Variants in SGCZ observed in about 807,000 individuals in gnomAD.
SGCZ encodes zeta-sarcoglycan.
A neutral mutation model predicts 41.3 loss-of-function variants in SGCZ; 40 were observed. The ratio of observed to expected loss-of-function variants is 0.97; its 90% CI spans 0.75 to 1.26. The LOEUF (loss-of-function observed/expected upper bound fraction) is 1.26, where lower values mean the gene tolerates loss of function less well. SGCZ is among the 50% of genes most tolerant of loss of function. SGCZ has a pLI of 0.00. For missense variants in SGCZ, 552 were observed against 369.8 expected, an observed-to-expected ratio of 1.49 and a Z score of -4.04; for synonymous variants, 206 against 137.5, an observed-to-expected ratio of 1.50 and a Z score of -3.49.
intron 1 of SGCZ, among the ~76,000 whole-genome samples, chr8:14,950,932 A>C (rs753017445): frequency 3.3e-5 from 5 of 152,068 alleles, no homozygotes; most frequent in Non-Finnish European, 7.4e-5. Context: ...TGAATACTCT[A>C]GGCTAAAATT....
rs7838349 is a variant in SGCZ, at chr8:14,197,239, T to C, written c.425-32537A>G. 4.2e-3 allele frequency among the ~76,000 whole-genome samples: 645 copies of C among 152,156 alleles called. 4 individuals carry two copies. The highest frequency in any genetic ancestry group is 0.011 in the African/African-American group (449 of 41,550). On this transcript the variant is annotated intron_variant, in intron 4 of 7. Transcript: ENST00000382080. ...TATTTAAGCAAAAAATAATACTAATTCTCAACTAAATGTTCCTGAATATAG... is the reference window on the plus strand; with the variant it reads ...TATTTAAGCAAAAAATAATACTAATCCTCAACTAAATGTTCCTGAATATAG...
In SGCZ at chr8:15,123,609, A is replaced by C. The variant is rs1368436442; in HGVS notation, c.39+113976T>G. Among the ~76,000 whole-genome samples the C allele has an allele frequency of 3.3e-5, 5 of 152,298 alleles. No homozygotes were observed. The East Asian group carries it at 9.7e-4, about 29-fold the overall frequency. On this transcript the variant is annotated intron_variant, in intron 1 of 7. Transcript: ENST00000382080. ...TTGATAGCAAGAACCTGGGTGTCTT[A>C]ATAATCTCATGCTTTTCACATTTTT...
chr8:14,852,885 C>T lies in SGCZ; in HGVS notation c.40-297959G>A, dbSNP rs538397404. Among the ~76,000 whole-genome samples the T allele has an allele frequency of 1.4e-4, 21 of 152,262 alleles. No homozygotes were observed. In the South Asian group the frequency reaches 4.3e-3, roughly 32 times the overall value. ...CCCAGAATCTCCTCGTCTAAACTCTCCTGAAGCGTTAGCTCCTAAACACAT... is the reference window on the plus strand; with the variant it reads ...CCCAGAATCTCCTCGTCTAAACTCTTCTGAAGCGTTAGCTCCTAAACACAT... On this transcript the variant is annotated intron_variant, in intron 1 of 7. Coordinates refer to ENST00000382080, the MANE Select transcript of SGCZ (RefSeq NM_139167.4).
chr8:14,691,623 A>G (rs1808799962), intron 1 of SGCZ, among the ~76,000 whole-genome samples: 1 of 152,108 alleles, frequency 6.6e-6, no homozygotes, highest in Admixed American at 6.5e-5. Flanking sequence ...CACCTAAAAA[A>G]AAAGGAATAT....
intron 4 of SGCZ, among the ~76,000 whole-genome samples, chr8:14,208,622 T>G (rs1292087115): frequency 6.6e-6 from 1 of 151,748 alleles, no homozygotes; most frequent in Non-Finnish European, 1.5e-5. Flanking sequence ...ACATTTTTCT[T>G]TTTTTTTGGT....
intron 3 of SGCZ, among the ~76,000 whole-genome samples, chr8:14,307,650 G>T (rs1480237780): frequency 6.6e-6 from 1 of 152,056 alleles, no homozygotes; most frequent in African/African-American, 2.4e-5. Context: ...ACACAGAAAT[G>T]TCCACATAAA....
In SGCZ at chr8:14,087,546, G is replaced by A. The variant is rs777048465; in HGVS notation, c.*2897C>T. ...ATACGGGTAATAAGATAGCTTAGTC[G>A]CATCCATGTAGTACACTATAAAGGA... On this transcript the variant is annotated 3_prime_UTR_variant, in exon 8 of 8. Coordinates refer to ENST00000382080, the MANE Select transcript of SGCZ (RefSeq NM_139167.4). Among the ~76,000 whole-genome samples, 14 of 151,390 alleles carry A rather than the reference G, an allele frequency of 9.2e-5. No individual in the cohort carries two copies. Among genetic ancestry groups the A allele is most frequent in the Non-Finnish European group, 1.3e-4 (9 of 67,692 alleles).
chr8:15,064,253 CAT>C (rs1418261060), intron 1 of SGCZ, among the ~76,000 whole-genome samples: 1 of 152,132 alleles, frequency 6.6e-6, no homozygotes, highest in African/African-American at 2.4e-5. Context: ...AAGCCACAAA[CAT>C]ATGAAGCAGA....
rs547320795 is a variant in SGCZ, at chr8:14,097,675, A to G, written c.744+4701T>C. Among the ~76,000 whole-genome samples the G allele has an allele frequency of 7.9e-5, 12 of 152,176 alleles. No individual in the cohort carries two copies. In the South Asian group the frequency reaches 2.5e-3, roughly 32 times the overall value. On this transcript the variant is annotated intron_variant, in intron 7 of 7. Transcript: ENST00000382080. ...TTTCTGTCTTGTTGATCTGACTAAT[A>G]TTGACAGTGGGGTGTTAAAGTCTCT...
chr8:14,909,852 T>C (rs1035186401), intron 1 of SGCZ, among the ~76,000 whole-genome samples: 1 of 152,116 alleles, frequency 6.6e-6, no homozygotes, highest in Non-Finnish European at 1.5e-5. Flanking sequence ...CAACTCTCCA[T>C]GGTGTTCTTT....
At chr8:14,348,378 G>A (rs578125343) in intron 2 of SGCZ, among the ~76,000 whole-genome samples, 2 of 152,170 alleles carry the variant, frequency 1.3e-5, no homozygotes, top group Admixed American at 1.3e-4. Flanking sequence ...TTGTGTCCCT[G>A]GCTTTTCGAG....
At chr8:14,962,912 T>C (rs1177576681) in intron 1 of SGCZ, among the ~76,000 whole-genome samples, 1 of 152,264 alleles carries the variant, frequency 6.6e-6, no homozygotes, top group South Asian at 2.1e-4. Context: ...AAATCCATAT[T>C]AAATGTCACT....
chr8:14,376,909 A>G (rs1804152519), intron 2 of SGCZ, among the ~76,000 whole-genome samples: 1 of 152,226 alleles, frequency 6.6e-6, no homozygotes, highest in African/African-American at 2.4e-5. Flanking sequence ...CCACAGTGTG[A>G]TAATAAGAAA....
At chr8:14,822,350 G>C (rs966166088) in intron 1 of SGCZ, among the ~76,000 whole-genome samples, 3 of 152,124 alleles carry the variant, frequency 2.0e-5, no homozygotes, top group African/African-American at 4.8e-5. Context: ...ACAGAATTAA[G>C]TGTAAAGATA....
At chr8:14,696,663 C>A (rs532444619) in intron 1 of SGCZ, among the ~76,000 whole-genome samples, 1 of 152,124 alleles carries the variant, frequency 6.6e-6, no homozygotes, top group African/African-American at 2.4e-5. Flanking sequence ...TCTGGCTTTT[C>A]TCTTTTGCGT....
chr8:14,697,813 C>A (rs192734599), intron 1 of SGCZ, among the ~76,000 whole-genome samples: 1 of 151,956 alleles, frequency 6.6e-6, no homozygotes, highest in Non-Finnish European at 1.5e-5. Flanking sequence ...ACACAACAGT[C>A]CAGCAATACT....
At chr8:14,329,300 T>C (rs1802232821) in intron 2 of SGCZ, among the ~76,000 whole-genome samples, 1 of 152,212 alleles carries the variant, frequency 6.6e-6, no homozygotes, top group African/African-American at 2.4e-5. Context: ...AATAACAGTA[T>C]TCCTCACAGG....
intron 2 of SGCZ, among the ~76,000 whole-genome samples, chr8:14,357,705 T>G (rs192107697): frequency 1.2e-4 from 19 of 152,336 alleles, no homozygotes; most frequent in African/African-American, 4.1e-4. Context: ...ATTATCTTAT[T>G]CAATTCTCAC....
intron 2 of SGCZ, among the ~76,000 whole-genome samples, chr8:14,393,830 G>C (rs2117224514): frequency 6.6e-6 from 1 of 152,164 alleles, no homozygotes; most frequent in East Asian, 1.9e-4. Context: ...TAAATGCATT[G>C]ACTTACAGAT....
Sources: gnomAD v4.1 joint callset for allele counts (sites outside exome capture counted in the v4.1 genomes callset) on GRCh38, gnomAD v4.1.1 for gene constraint, MANE v1.5 for transcripts, NCBI Gene and HGNC (gene_info 2026-07-23, HGNC 2026-07-21) for gene names.